Variants in TAF15 observed in about 807,000 individuals in gnomAD.
TAF15 encodes TATA-box binding protein associated factor 15.
In TAF15, 37 loss-of-function variants were observed where a neutral mutation model predicts 102.5. That is an observed-to-expected ratio of 0.36 (90% confidence interval 0.28 to 0.47). The LOEUF is 0.47. TAF15 is among the 20% of genes least tolerant of loss of function. The probability of loss-of-function intolerance (pLI) is 0.99; values close to 1 mark genes in which losing one functional copy is unlikely to be tolerated. For missense variants in TAF15, 652 were observed against 760.7 expected (o/e 0.86, Z 1.68); for synonymous variants, 273 against 259.2 (o/e 1.05, Z -0.51).
At position 35,824,173 on chromosome 17, in the gene TAF15, G is replaced by A; in HGVS notation, c.580G>A (p.Gly194Arg). 1 of 1,613,906 alleles carries A rather than the reference G, an allele frequency of 6.2e-7. No individual in the cohort carries two copies. Among genetic ancestry groups the A allele is most frequent in the Non-Finnish European group, 8.5e-7 (1 of 1,180,008 alleles). Residue 194 changes from glycine to arginine, a missense_variant, in exon 7 of 16, where the codon GGA becomes AGA. Physicochemically the swap from Gly to Arg is moderately radical, Grantham distance 125. Around this residue, in one of 3 missense-constraint regions of TAF15, gnomAD observed 243 missense variants for 284.1 expected, o/e 0.86. Transcript: ENST00000605844. ...AGGGCGTGGGGGATATGACAAGGAT[G>A]GAAGAGGTCCTATGACAGGATCAAG... is the stretch of plus-strand genomic sequence containing the variant. ...GRGRGGYDKD[G>R]RGPMTGSSGG...
rs1385676233 is a variant in TAF15 at position 35,844,756 on chromosome 17, A to G, written c.1457A>G (p.Tyr486Cys). ...GGGYGGDRGGYGGDRGGGYGG... is the reference protein window; with the variant it reads ...GGGYGGDRGGCGGDRGGGYGG... Reference sequence around the variant, plus strand: ...GGCTATGGAGGAGATCGAGGTGGCTATGGAGGAGACCGAGGTGGAGGCTAT... The same window carrying G: ...GGCTATGGAGGAGATCGAGGTGGCTGTGGAGGAGACCGAGGTGGAGGCTAT... Residue 486 changes from tyrosine to cysteine, a missense_variant, in exon 15 of 16, where the codon TAT (tyrosine) becomes TGT (cysteine). Transcript: ENST00000605844. 1.2e-5 allele frequency: 20 copies of G among 1,608,466 alleles called. No individual in the cohort carries two copies. Among genetic ancestry groups the G allele is most frequent in the East Asian group, 2.2e-5 (1 of 44,602 alleles).
At chr17:35,841,987 T>C (rs1159278307) in intron 11 of TAF15, among the ~76,000 whole-genome samples, 1 of 152,116 alleles carries the variant, frequency 6.6e-6, no homozygotes, top group Non-Finnish European at 1.5e-5. Flanking sequence ...TATAAGCCAC[T>C]GCACCTGGCC....
chr17:35,842,521 T>G, intron 12 of TAF15, 62 bp downstream of exon 12: 1 of 1,312,906 alleles, frequency 7.6e-7, no homozygotes. Context: ...GAGTTCATAC[T>G]CTGTTTCTAT....
intron 11 of TAF15, among the ~76,000 whole-genome samples, chr17:35,839,556 G>A (rs890553307): frequency 5.9e-5 from 9 of 151,504 alleles, no homozygotes; most frequent in Non-Finnish European, 1.0e-4. Context: ...TAATTTTTTT[G>A]TATTTTTAGT....
At chr17:35,827,473 A>C (rs1184506385) in intron 7 of TAF15, among the ~76,000 whole-genome samples, 1 of 152,154 alleles carries the variant, frequency 6.6e-6, no homozygotes, top group Non-Finnish European at 1.5e-5. Flanking sequence ...TGGAGGGCAC[A>C]GCGGGTGGAT....
In TAF15 at chr17:35,820,347, A is replaced by G. The variant is rs199773598; in HGVS notation, c.200A>G (p.Tyr67Cys). Residue 67 changes from tyrosine (Y) to cysteine (C), a missense_variant, in exon 5 of 16, where the codon TAT (tyrosine) becomes TGT (cysteine). Coordinates refer to ENST00000605844, the MANE Select transcript of TAF15 (RefSeq NM_139215.3). Reference protein sequence around the residue: ...GQSQSGYSQSYGGYENQKQSS... With the variant: ...GQSQSGYSQSCGGYENQKQSS... ...TAATCTTTAGGTTATTCACAGTCCTATGGTGGTTATGAGAATCAAAAGCAG... is the reference window on the plus strand; with the variant it reads ...TAATCTTTAGGTTATTCACAGTCCTGTGGTGGTTATGAGAATCAAAAGCAG... The G allele has an allele frequency of 3.8e-5, 61 of 1,614,038 alleles. No homozygotes were observed. The highest frequency in any genetic ancestry group is 2.0e-4 in the East Asian group (9 of 44,874).
In TAF15 at chr17:35,844,347, G is replaced by A. The variant is rs147145070; in HGVS notation, c.1156G>A (p.Asp386Asn). The A allele has an allele frequency of 6.8e-6, 11 of 1,614,236 alleles. No individual in the cohort carries two copies. Among genetic ancestry groups the A allele is most frequent in the African/African-American group, 1.3e-5 (1 of 75,072 alleles). The change falls in exon 14 of 16, where the codon GAC becomes AAC. Residue 386 changes from aspartate to asparagine, a missense_variant. By Grantham distance (23) the Asp-to-Asn change is conservative. Transcript: ENST00000605844. Reference sequence around the variant, plus strand: ...TCAGTGCAATGAGCCTAGACCAGAGGACTCTCGTCCCTCAGGAGGAGGTGG... The same window carrying A: ...TCAGTGCAATGAGCCTAGACCAGAGAACTCTCGTCCCTCAGGAGGAGGTGG... Reference protein sequence around the residue: ...CNQCNEPRPEDSRPSGGDFRG... With the variant: ...CNQCNEPRPENSRPSGGDFRG...
At chr17:35,826,724 ATTTTTTT>A in intron 7 of TAF15, among the ~76,000 whole-genome samples, 1 of 127,972 alleles carries the variant, frequency 7.8e-6, no homozygotes, top group South Asian at 2.5e-4. Context: ...CACCCGGCTA[ATTTTTTT>A]TTTTTTTTTT....
At chr17:35,814,129 A>G (rs1680323798) in intron 1 of TAF15, among the ~76,000 whole-genome samples, 1 of 149,858 alleles carries the variant, frequency 6.7e-6, no homozygotes, top group African/African-American at 2.5e-5. Context: ...CTGGTCTTGA[A>G]CTCCTCAGCT....
At chr17:35,824,053 G>T in intron 6 of TAF15, 25 bp from the exon 7 acceptor site, 3 of 1,613,996 alleles carry the variant, frequency 1.9e-6, no homozygotes, top group Non-Finnish European at 1.7e-6. Context: ...GTGGTTATTT[G>T]TGTGTAATAT....
chr17:35,823,825 C>T lies in TAF15; in HGVS notation c.485-253C>T, dbSNP rs542450749. 1.3e-5 allele frequency: 7 copies of T among 535,144 alleles called. No individual in the cohort carries two copies. In the Admixed American group the frequency reaches 2.1e-4, roughly 16 times the overall value. The allele number at this position is 535,144 out of a possible 1,614,324, so 33.1% of individuals were successfully genotyped here. A position where few individuals can be genotyped will look rare whatever the true frequency, so the allele number is the denominator to read the frequency against. ...TCCACATTACTGTTTTGCCATGTCA[C>T]TTTAGCAGAATGGAATTTGACACAG... On this transcript the variant is annotated intron_variant, in intron 6 of 15. Transcript: ENST00000605844.
intron 7 of TAF15, among the ~76,000 whole-genome samples, chr17:35,828,158 T>C (rs1212624743): frequency 6.6e-6 from 1 of 152,186 alleles, no homozygotes; most frequent in Non-Finnish European, 1.5e-5. Flanking sequence ...TTTTTGAGGA[T>C]CTTCTCCCTC....
intron 5 of TAF15, among the ~76,000 whole-genome samples, chr17:35,820,738 G>C (rs577957217): frequency 9.9e-5 from 15 of 152,180 alleles, no homozygotes; most frequent in African/African-American, 3.1e-4. Context: ...TTAGAATTAA[G>C]ACTTCTCAAC....
At chr17:35,827,698 T>G (rs2143782796) in intron 7 of TAF15, among the ~76,000 whole-genome samples, 1 of 148,998 alleles carries the variant, frequency 6.7e-6, no homozygotes, top group African/African-American at 2.5e-5. Flanking sequence ...AGAGTGAAAC[T>G]CCATCGCAAA....
At chr17:35,836,331 C>A in intron 10 of TAF15, 90 bp downstream of exon 10, 1 of 913,680 alleles carries the variant, frequency 1.1e-6, no homozygotes, top group Non-Finnish European at 1.7e-6. Flanking sequence ...TACTTCAGTA[C>A]GCCTTGTCTC....
At chr17:35,826,609 G>A (rs1201306796) in intron 7 of TAF15, among the ~76,000 whole-genome samples, 1 of 149,228 alleles carries the variant, frequency 6.7e-6, no homozygotes, top group Non-Finnish European at 1.5e-5. Flanking sequence ...CCAGGCTGGA[G>A]TGCAGTGGCA....
chr17:35,825,705 T>C (rs566687944), intron 7 of TAF15, among the ~76,000 whole-genome samples: 1 of 152,206 alleles, frequency 6.6e-6, no homozygotes, highest in South Asian at 2.1e-4. Flanking sequence ...TCCCAGCACT[T>C]TGGGAGGCCG....
intron 7 of TAF15, among the ~76,000 whole-genome samples, chr17:35,827,837 A>AGC (rs2087350165): frequency 6.6e-6 from 1 of 152,236 alleles, no homozygotes; most frequent in Admixed American, 6.5e-5. Flanking sequence ...AGAAACCATC[A>AGC]GCTTTCCAAG....
chr17:35,819,226 A>G (rs1197417747), intron 2 of TAF15, among the ~76,000 whole-genome samples: 5 of 152,228 alleles, frequency 3.3e-5, no homozygotes, highest in Non-Finnish European at 7.3e-5. Context: ...TGTATTTTCA[A>G]AAGTTAAGGA....
Sources: allele counts gnomAD v4.1 joint callset (sites outside exome capture counted in the v4.1 genomes callset), GRCh38; gene constraint gnomAD v4.1.1; regional missense constraint gnomAD v4.1.1; transcripts MANE v1.5; gene names NCBI Gene and HGNC (gene_info 2026-07-23, HGNC 2026-07-21).